The following DIP2C variants were observed in gnomAD, a reference collection of about 807,000 sequenced individuals.
The protein encoded by DIP2C is DIP2 acetate--CoA ligase C (putative), also known as disco-interacting protein 2 homolog C.
DIP2C carries 33 observed loss-of-function variants against 192.4 expected under a neutral mutation model. That is an observed-to-expected ratio of 0.17 (90% CI 0.13 to 0.23). The LOEUF (loss-of-function observed/expected upper bound fraction) is 0.23, where lower values mean the gene tolerates loss of function less well. Among genes scored for constraint, DIP2C ranks in the 10% least tolerant of loss-of-function variants. The probability of loss-of-function intolerance (pLI) is 1.00; values close to 1 mark genes in which losing one functional copy is unlikely to be tolerated. For missense variants in DIP2C, 1,537 were observed against 2,110.1 expected (o/e 0.73, Z 5.32); for synonymous variants, 979 against 864.1 (o/e 1.13, Z -2.33).
intron 18 of DIP2C, 47 bp from the exon 19 acceptor site, chr10:366,458 G>C (rs769218027): frequency 1.2e-6 from 2 of 1,612,034 alleles, no homozygotes; most frequent in East Asian, 4.5e-5. Context: ...GGGGCAGGTG[G>C]GGAGAATAAA....
chr10:449,968 T>C (rs1356921614), intron 3 of DIP2C, among the ~76,000 whole-genome samples: 2 of 150,112 alleles, frequency 1.3e-5, no homozygotes, highest in African/African-American at 4.9e-5. Flanking sequence ...CATTGTGAGA[T>C]TGTTATCTCC....
At chr10:333,051 T>C (rs1170270305) in intron 29 of DIP2C, among the ~76,000 whole-genome samples, 3 of 152,186 alleles carry the variant, frequency 2.0e-5, no homozygotes, top group African/African-American at 7.2e-5. Context: ...GACAGGCGTG[T>C]GCCACCACGC....
intron 3 of DIP2C, among the ~76,000 whole-genome samples, chr10:442,655 C>G (rs1967844340): frequency 6.6e-6 from 1 of 152,178 alleles, no homozygotes. Flanking sequence ...TCTCCCCGCT[C>G]CCCCATGAAT....
intron 1 of DIP2C, among the ~76,000 whole-genome samples, chr10:501,711 T>G (rs1196484247): frequency 6.6e-6 from 1 of 151,954 alleles, no homozygotes; most frequent in Non-Finnish European, 1.5e-5. Flanking sequence ...CTGAGTGAAA[T>G]TACATTGAAT....
At position 545,377 on chromosome 10, in the gene DIP2C, A is replaced by G. The variant is rs559960967; in HGVS notation, c.86-58847T>C. ...AGATGAGGTTTCACTGCTGATCTGT[A>G]ACTCCTGACCTCAGGTGATCCACCC... On this transcript the variant is annotated intron_variant, in intron 1 of 36. Coordinates refer to ENST00000280886, the MANE Select transcript of DIP2C (RefSeq NM_014974.3). Among the ~76,000 whole-genome samples, 9 of 151,986 alleles carry G rather than the reference A, an allele frequency of 5.9e-5. No individual in the cohort carries two copies. The East Asian group carries it at 1.7e-3, about 29-fold the overall frequency.
chr10:542,328 G>A (rs897867876), intron 1 of DIP2C, among the ~76,000 whole-genome samples: 4 of 152,198 alleles, frequency 2.6e-5, no homozygotes, highest in African/African-American at 7.2e-5. Flanking sequence ...CTCAACAGAT[G>A]CTCTATGTCT....
chr10:560,270 TCA>T (rs1397204302), intron 1 of DIP2C, among the ~76,000 whole-genome samples: 2 of 150,546 alleles, frequency 1.3e-5, no homozygotes, highest in Non-Finnish European at 3.0e-5. Flanking sequence ...GATGGAGGAG[TCA>T]CAAAGAGGGG....
chr10:483,986 C>A (rs946703410), intron 2 of DIP2C, among the ~76,000 whole-genome samples: 3 of 152,216 alleles, frequency 2.0e-5, no homozygotes, highest in South Asian at 4.1e-4. Context: ...CTAATTTTTT[C>A]TTTTGTAGAG....
At chr10:398,559 G>T (rs924862013) in intron 10 of DIP2C, among the ~76,000 whole-genome samples, 3 of 152,208 alleles carry the variant, frequency 2.0e-5, no homozygotes, top group African/African-American at 7.2e-5. Context: ...ACCTCCTGAG[G>T]CTGTGGCATG....
chr10:282,590 G>A (rs1954888177), intron 35 of DIP2C, among the ~76,000 whole-genome samples: 1 of 152,196 alleles, frequency 6.6e-6, no homozygotes, highest in South Asian at 2.1e-4. Context: ...GAACTAAGGA[G>A]GTGAGAAAGG....
At chr10:305,389 CT>C (rs1303996139) in intron 32 of DIP2C, among the ~76,000 whole-genome samples, 3 of 150,738 alleles carry the variant, frequency 2.0e-5, no homozygotes, top group Non-Finnish European at 1.5e-5. Context: ...AGCTGTTTGT[CT>C]TTGTCTCTAT....
intron 1 of DIP2C, among the ~76,000 whole-genome samples, chr10:553,114 G>A (rs548017217): frequency 6.6e-6 from 1 of 152,318 alleles, no homozygotes; most frequent in African/African-American, 2.4e-5. Flanking sequence ...CCATGCCACT[G>A]TTTTCCTGAC....
chr10:529,685 G>A (rs999676721), intron 1 of DIP2C, among the ~76,000 whole-genome samples: 3 of 152,212 alleles, frequency 2.0e-5, no homozygotes, highest in African/African-American at 7.2e-5. Flanking sequence ...CAGCCACATG[G>A]GCTGGATAGC....
At chr10:536,329 A>G (rs1490945236) in intron 1 of DIP2C, among the ~76,000 whole-genome samples, 3 of 152,252 alleles carry the variant, frequency 2.0e-5, no homozygotes, top group African/African-American at 7.2e-5. Context: ...ATCTCCTGAG[A>G]GCATGGTATC....
In DIP2C at chr10:363,372, G is replaced by T; in HGVS notation, c.2478-61C>A. On this transcript the variant is annotated intron_variant, in intron 20 of 36. Coordinates refer to ENST00000280886, the MANE Select transcript of DIP2C (RefSeq NM_014974.3). The surrounding 1 kb of genome is among the most constrained non-coding windows in gnomAD (Gnocchi z 5.4). ...GGGACGCTCATGCAGCCCTCCCTCC[G>T]CCATCAGGGGCTCCATAACCATCAC... The T allele has an allele frequency of 2.1e-6, 3 of 1,407,580 alleles. No individual in the cohort carries two copies. The highest frequency in any genetic ancestry group is 1.8e-4 in the Middle Eastern group (1 of 5,624). The allele number at this position is 1,407,580 out of a possible 1,614,324, so 87.2% of individuals were successfully genotyped here. A position where few individuals can be genotyped will look rare whatever the true frequency, so the allele number is the denominator to read the frequency against.
intron 1 of DIP2C, among the ~76,000 whole-genome samples, chr10:549,407 A>G (rs1050031305): frequency 6.6e-6 from 1 of 152,168 alleles, no homozygotes. Flanking sequence ...CAACGCGTCC[A>G]CACACGGACT....
At chr10:396,390 CT>C (rs1963986221) in intron 10 of DIP2C, among the ~76,000 whole-genome samples, 1 of 152,144 alleles carries the variant, frequency 6.6e-6, no homozygotes, top group South Asian at 2.1e-4. Flanking sequence ...ACAAACCAGC[CT>C]GGACTGGAGG....
chr10:530,429 G>C (rs1167601441), intron 1 of DIP2C, among the ~76,000 whole-genome samples: 1 of 152,062 alleles, frequency 6.6e-6, no homozygotes, highest in Non-Finnish European at 1.5e-5. Context: ...AAAAATAAAA[G>C]GGGGGCCAAG....
At chr10:565,946 C>A (rs115235532) in intron 1 of DIP2C, among the ~76,000 whole-genome samples, 1 of 152,170 alleles carries the variant, frequency 6.6e-6, no homozygotes, top group Non-Finnish European at 1.5e-5. Flanking sequence ...TTCAGATCCA[C>A]GTCACCCACT....
Sources: allele counts gnomAD v4.1 joint callset (sites outside exome capture counted in the v4.1 genomes callset), GRCh38; gene constraint gnomAD v4.1.1; non-coding constraint Gnocchi (gnomAD v3.1); transcripts MANE v1.5; gene names NCBI Gene and HGNC (gene_info 2026-07-23, HGNC 2026-07-21).